CAMTA1: variants seen among roughly 807,000 people sequenced by gnomAD.
The protein encoded by CAMTA1 is calmodulin binding transcription activator 1, also known as calmodulin-binding transcription activator 1.
A neutral mutation model predicts 170.9 loss-of-function variants in CAMTA1; 27 were observed. The ratio of observed to expected loss-of-function variants is 0.16; its 90% CI spans 0.12 to 0.22. The LOEUF is 0.22. Ranked by LOEUF, CAMTA1 falls within the 10% of genes least tolerant of loss-of-function variation. The pLI is 1.00. For missense variants in CAMTA1, 1,619 were observed against 2,217.2 expected (o/e 0.73, Z 5.42); for synonymous variants, 833 against 891.5 (o/e 0.93, Z 1.17).
intron 5 of CAMTA1, among the ~76,000 whole-genome samples, chr1:7,374,412 T>G (rs1247354828): frequency 6.6e-6 from 1 of 152,216 alleles, no homozygotes; most frequent in Non-Finnish European, 1.5e-5. Flanking sequence ...GTTGCAATCC[T>G]AGGGCAAACG....
At chr1:7,153,312 A>G (rs1030087147) in intron 4 of CAMTA1, among the ~76,000 whole-genome samples, 1 of 152,134 alleles carries the variant, frequency 6.6e-6, no homozygotes, top group African/African-American at 2.4e-5. Flanking sequence ...ATCTTTTGTC[A>G]TTTGGTATAA....
intron 3 of CAMTA1, among the ~76,000 whole-genome samples, chr1:7,043,673 C>T (rs955512869): frequency 2.0e-5 from 3 of 152,146 alleles, no homozygotes; most frequent in Non-Finnish European, 2.9e-5. Context: ...GTAAGAAACG[C>T]CTGCCTTTAT....
Position 7,543,025 on chromosome 1 carries a change from C to A in CAMTA1, c.510+75124C>A, listed in dbSNP as rs561547811. Among the ~76,000 whole-genome samples, 4 of 152,186 alleles carry A rather than the reference C, an allele frequency of 2.6e-5. No individual in the cohort carries two copies. In the South Asian group the frequency reaches 8.3e-4, roughly 32 times the overall value. ...GACTACAGGCGCCCTCCACTACACC[C>A]GGCTAATTATTTTTGTATTTATTAG... On this transcript the variant is annotated intron_variant, in intron 6 of 22. Transcript: ENST00000303635.
chr1:7,271,613 T>TACAA (rs1669824939), intron 5 of CAMTA1, among the ~76,000 whole-genome samples: 3 of 146,680 alleles, frequency 2.0e-5, no homozygotes. Flanking sequence ...GATAGATAGA[T>TACAA]ACAATACCCC....
At position 7,663,908 on chromosome 1, in the gene CAMTA1, C is replaced by T; in HGVS notation, c.1361C>T (p.Ser454Phe). The change falls in exon 9 of 23, where the codon TCC becomes TTC. Residue 454 changes from serine (S) to phenylalanine (F), a missense_variant. Coordinates refer to ENST00000303635, the MANE Select transcript of CAMTA1 (RefSeq NM_015215.4). ...FPTTGSSESLSMLPTNVSEEL... is the reference protein window; with the variant it reads ...FPTTGSSESLFMLPTNVSEEL... ...ACCACGGGCAGCTCGGAGAGCCTGTCCATGCTGCCCACCAACGTGTCCGAA... is the reference window on the plus strand; with the variant it reads ...ACCACGGGCAGCTCGGAGAGCCTGTTCATGCTGCCCACCAACGTGTCCGAA... 6.2e-7 allele frequency: 1 copy of T among 1,613,904 alleles called. No homozygotes were observed. Among genetic ancestry groups the T allele is most frequent in the Non-Finnish European group, 8.5e-7 (1 of 1,180,040 alleles).
chr1:6,826,985 C>A (rs1285174506), intron 3 of CAMTA1, among the ~76,000 whole-genome samples: 5 of 152,126 alleles, frequency 3.3e-5, no homozygotes, highest in Admixed American at 1.3e-4. Flanking sequence ...ATATTAGATA[C>A]GTTTTAAAGC....
intron 5 of CAMTA1, among the ~76,000 whole-genome samples, chr1:7,460,160 C>A (rs558463930): frequency 1.9e-4 from 29 of 152,252 alleles, no homozygotes; most frequent in African/African-American, 7.0e-4. Flanking sequence ...ATGCGGGACG[C>A]GGATGAGAGA....
chr1:7,753,263 C>T (rs1294524704), intron 21 of CAMTA1, among the ~76,000 whole-genome samples: 2 of 152,330 alleles, frequency 1.3e-5, no homozygotes, highest in African/African-American at 2.4e-5. Context: ...TGAAGACTAG[C>T]GTCTCTACTT....
At chr1:6,977,512 T>C (rs1330654661) in intron 3 of CAMTA1, among the ~76,000 whole-genome samples, 2 of 152,138 alleles carry the variant, frequency 1.3e-5, no homozygotes, top group Admixed American at 1.3e-4. Context: ...GGCTAATTTT[T>C]TGTATTTTTA....
At chr1:7,693,763 G>A (rs2096344383) in intron 11 of CAMTA1, 1 of 152,198 alleles carries the variant, frequency 6.6e-6, no homozygotes, top group Non-Finnish European at 1.5e-5. Flanking sequence ...AACCAGGGCA[G>A]CTCACCATAG....
chr1:7,440,786 G>A (rs2092503713), intron 5 of CAMTA1, among the ~76,000 whole-genome samples: 1 of 152,148 alleles, frequency 6.6e-6, no homozygotes, highest in Non-Finnish European at 1.5e-5. Context: ...CGGGCCAAGC[G>A]ACATCAGCTC....
intron 6 of CAMTA1, among the ~76,000 whole-genome samples, chr1:7,601,898 C>A (rs1180252969): frequency 1.3e-5 from 2 of 151,384 alleles, no homozygotes; most frequent in African/African-American, 4.9e-5. Flanking sequence ...GCAGTACAGT[C>A]CAGCTTTGGC....
chr1:7,381,099 A>G (rs776192976), intron 5 of CAMTA1, among the ~76,000 whole-genome samples: 2 of 152,188 alleles, frequency 1.3e-5, no homozygotes, highest in Non-Finnish European at 2.9e-5. Context: ...CGAAAACATC[A>G]TAATAGCGGT....
chr1:7,408,717 G>A, intron 5 of CAMTA1, among the ~76,000 whole-genome samples: 1 of 152,190 alleles, frequency 6.6e-6, no homozygotes, highest in Non-Finnish European at 1.5e-5. Context: ...AGGCGGCCTG[G>A]GTCCTCAGCC....
intron 2 of CAMTA1, 34 bp downstream of exon 2, chr1:6,820,284 G>A: frequency 1.9e-6 from 3 of 1,613,072 alleles, no homozygotes; most frequent in Admixed American, 1.7e-5. Context: ...CTTACAGGAA[G>A]GGGTGGGCTT....
intron 4 of CAMTA1, among the ~76,000 whole-genome samples, chr1:7,247,266 G>A (rs189216300): frequency 1.7e-3 from 260 of 152,358 alleles, no homozygotes; most frequent in African/African-American, 6.0e-3. Flanking sequence ...AATGCCAAAG[G>A]GCGGGTCACC....
chr1:7,640,232 A>G (rs909685685), intron 6 of CAMTA1, among the ~76,000 whole-genome samples, 168 bp from the exon 7 acceptor site: 1 of 152,092 alleles, frequency 6.6e-6, no homozygotes, highest in African/African-American at 2.4e-5. Flanking sequence ...CATGCGCCGG[A>G]CAGCCCCCAC....
At chr1:7,710,618 AAAAAG>A (rs1411542265) in intron 11 of CAMTA1, among the ~76,000 whole-genome samples, 5 of 151,588 alleles carry the variant, frequency 3.3e-5, no homozygotes, top group Admixed American at 2.6e-4. Context: ...AAAAAAAAAA[AAAAAG>A]AATTTATTGA....
chr1:7,103,465 GTA>G (rs1643015615), intron 4 of CAMTA1, among the ~76,000 whole-genome samples: 3 of 129,738 alleles, frequency 2.3e-5, no homozygotes, highest in South Asian at 2.5e-4. Flanking sequence ...CTACACACAT[GTA>G]CACAACACAC....
Sources: gnomAD v4.1 joint callset for allele counts (sites outside exome capture counted in the v4.1 genomes callset) on GRCh38, gnomAD v4.1.1 for gene constraint, MANE v1.5 for transcripts, NCBI Gene and HGNC (gene_info 2026-07-23, HGNC 2026-07-21) for gene names.